SPRED2: variants seen among roughly 807,000 people sequenced by gnomAD.
SPRED2 encodes sprouty-related, EVH1 domain-containing protein 2.
SPRED2 carries 47 observed loss-of-function variants against 43.0 expected under a neutral mutation model. That is an observed-to-expected ratio of 1.09 (90% CI 0.87 to 1.40). The LOEUF is 1.40. SPRED2 is among the 40% of genes most tolerant of loss of function. The pLI, the probability that SPRED2 is intolerant of heterozygous loss-of-function variation, is 0.00. For missense variants in SPRED2, 561 were observed against 586.4 expected (o/e 0.96, Z 0.45); for synonymous variants, 225 against 225.7 (o/e 1.00, Z 0.03).
intron 1 of SPRED2, among the ~76,000 whole-genome samples, chr2:65,411,986 G>T (rs964789791): frequency 6.6e-6 from 1 of 152,028 alleles, no homozygotes; most frequent in Non-Finnish European, 1.5e-5. Flanking sequence ...AAATTAGCCG[G>T]GTGTGGTGGC....
At chr2:65,393,121 T>A (rs1461791669) in intron 1 of SPRED2, among the ~76,000 whole-genome samples, 1 of 152,198 alleles carries the variant, frequency 6.6e-6, no homozygotes, top group African/African-American at 2.4e-5. Context: ...TTATTTTAAA[T>A]AATCCTAAAT....
At chr2:65,375,830 G>A (rs1176901622) in intron 1 of SPRED2, among the ~76,000 whole-genome samples, 1 of 152,142 alleles carries the variant, frequency 6.6e-6, no homozygotes, top group East Asian at 1.9e-4. Flanking sequence ...ATGGAGAAAG[G>A]AGTTCCACGG....
chr2:65,310,044 C>A (rs778981642), downstream of SPRED2, among the ~76,000 whole-genome samples: 1 of 152,026 alleles, frequency 6.6e-6, no homozygotes, highest in Non-Finnish European at 1.5e-5. Flanking sequence ...GACAGGAGGG[C>A]CCTGTCTTGC....
chr2:65,363,072 C>T (rs1158495583), intron 1 of SPRED2, among the ~76,000 whole-genome samples: 26 of 130,994 alleles, frequency 2.0e-4, no homozygotes, highest in Admixed American at 1.3e-3. Flanking sequence ...GAAAACCTGT[C>T]TCTACTAAAA....
intron 1 of SPRED2, among the ~76,000 whole-genome samples, chr2:65,387,055 A>G (rs1288198024): frequency 6.6e-6 from 1 of 151,700 alleles, no homozygotes; most frequent in African/African-American, 2.4e-5. Context: ...TTCAGTGAAT[A>G]CCCTAAATGT....
intron 1 of SPRED2, among the ~76,000 whole-genome samples, chr2:65,425,996 T>C (rs372160438): frequency 2.0e-5 from 3 of 152,364 alleles, no homozygotes; most frequent in African/African-American, 7.2e-5. Flanking sequence ...GATGCCAATA[T>C]TGGAGTTCAT....
intron 1 of SPRED2, among the ~76,000 whole-genome samples, chr2:65,351,155 T>C (rs1674500210): frequency 6.6e-6 from 1 of 151,844 alleles, no homozygotes; most frequent in Admixed American, 6.6e-5. Context: ...TATCAGAGAG[T>C]GGAGGGGCAG....
chr2:65,320,633 G>A (rs922769689), intron 4 of SPRED2, among the ~76,000 whole-genome samples: 3 of 152,160 alleles, frequency 2.0e-5, no homozygotes, highest in Admixed American at 2.0e-4. Context: ...CGTCCTAGCC[G>A]AGCCTGCAGT....
intron 1 of SPRED2, among the ~76,000 whole-genome samples, chr2:65,366,171 G>T (rs1396687677): frequency 6.6e-6 from 1 of 152,152 alleles, no homozygotes; most frequent in Non-Finnish European, 1.5e-5. Context: ...AATAGTAATT[G>T]TTAGACCACC....
chr2:65,408,492 T>C (rs558816712), intron 1 of SPRED2, among the ~76,000 whole-genome samples: 3 of 152,276 alleles, frequency 2.0e-5, no homozygotes, highest in East Asian at 3.9e-4. Context: ...TCCAGGCAAA[T>C]TGCTCGGACC....
In SPRED2 at chr2:65,313,273, C is replaced by T. The variant is rs1269674345; in HGVS notation, c.*228G>A. On this transcript the variant is annotated 3_prime_UTR_variant, in exon 6 of 6. Transcript: ENST00000356388. ...AAGGTTCCTTCCTCAGAACACTGTG[C>T]GAGCGTGTGTGTATGGATGTGGCTG... 5 of 1,381,096 alleles carry T rather than the reference C, an allele frequency of 3.6e-6. No individual in the cohort carries two copies. Among genetic ancestry groups the T allele is most frequent in the Non-Finnish European group, 4.7e-6 (5 of 1,071,616 alleles). The allele number at this position is 1,381,096 out of a possible 1,614,324, so 85.6% of individuals were successfully genotyped here.
chr2:65,353,955 AGGCAGTGTGCCATGCACCAGTCT>A lies in SPRED2; in HGVS notation c.27-9082_27-9060del, dbSNP rs1244385194. ...CCAGCTGTCCTTAGTCAAGGGTACA[AGGCAGTGTGCCATGCACCAGTCT>A]GGCCTCCTTTCTTTCCTGCTGTGTC... On this transcript the variant is annotated intron_variant, in intron 1 of 5. Coordinates refer to ENST00000356388, the MANE Select transcript of SPRED2 (RefSeq NM_181784.3). 2.6e-5 allele frequency among the ~76,000 whole-genome samples: 4 copies of A among 152,206 alleles called. No individual in the cohort carries two copies. In the East Asian group the frequency reaches 7.7e-4, roughly 29 times the overall value.
At chr2:65,310,697 C>T (rs376908056), downstream of SPRED2, among the ~76,000 whole-genome samples, 31 of 152,226 alleles carry the variant, frequency 2.0e-4, no homozygotes, top group Middle Eastern at 3.4e-3. Flanking sequence ...TATGACATAA[C>T]CATAGGAGGA....
chr2:65,414,585 C>G (rs1293507984), intron 1 of SPRED2, among the ~76,000 whole-genome samples: 7 of 152,190 alleles, frequency 4.6e-5, no homozygotes, highest in Admixed American at 1.3e-4. Flanking sequence ...CAACTAAGAC[C>G]CAGCTCTGCT....
chr2:65,313,711 C>T lies in SPRED2; in HGVS notation c.1047G>A (p.Met349Ile), dbSNP rs1673139880. ...RVSCMWCADS[M>I]LYHCMSDPEG... ...CGGGGTCCGACATACAGTGATAGAG[C>T]ATGCTGTCCGCGCACCACATGCAGC... is the stretch of plus-strand genomic sequence containing the variant. The change falls in exon 6 of 6, where the codon ATG (methionine) becomes ATA (isoleucine). Residue 349 changes from methionine (M) to isoleucine (I), a missense_variant. Met to Ile is a conservative substitution (Grantham distance 10, BLOSUM62 1). This residue lies in a region of SPRED2 where 2 missense variants were observed against 18.3 expected (regional missense o/e 0.11). Coordinates refer to ENST00000356388, the MANE Select transcript of SPRED2 (RefSeq NM_181784.3). The T allele has an allele frequency of 6.2e-7, 1 of 1,614,054 alleles. No homozygotes were observed.
intron 1 of SPRED2, among the ~76,000 whole-genome samples, chr2:65,417,771 G>A (rs1676322574): frequency 6.6e-6 from 1 of 152,176 alleles, no homozygotes; most frequent in Non-Finnish European, 1.5e-5. Flanking sequence ...AAAAAAGAGG[G>A]AGCTGAGCTC....
At chr2:65,357,703 C>T (rs1449436390) in intron 1 of SPRED2, among the ~76,000 whole-genome samples, 2 of 152,194 alleles carry the variant, frequency 1.3e-5, no homozygotes, top group Non-Finnish European at 2.9e-5. Flanking sequence ...AACACAGCTA[C>T]ATGAAAAAAT....
At chr2:65,394,404 G>T (rs1675706302) in intron 1 of SPRED2, among the ~76,000 whole-genome samples, 1 of 152,202 alleles carries the variant, frequency 6.6e-6, no homozygotes, top group African/African-American at 2.4e-5. Flanking sequence ...GCTGTGAATG[G>T]ACAGGAACAA....
intron 1 of SPRED2, among the ~76,000 whole-genome samples, chr2:65,394,587 T>A (rs757732821): frequency 3.2e-4 from 48 of 152,308 alleles, no homozygotes; most frequent in Admixed American, 7.2e-4. Context: ...AACAAACACG[T>A]GCCCTGCCCC....
Sources: gnomAD v4.1 joint callset for allele counts (sites outside exome capture counted in the v4.1 genomes callset) on GRCh38, gnomAD v4.1.1 for gene constraint, gnomAD v4.1.1 regional missense constraint, MANE v1.5 for transcripts, NCBI Gene and HGNC (gene_info 2026-07-23, HGNC 2026-07-21) for gene names.